GTF2F2: variants seen among roughly 807,000 people sequenced by gnomAD.
GTF2F2 encodes the protein ATP-dependent helicase GTF2F2.
A neutral mutation model predicts 42.2 loss-of-function variants in GTF2F2; 23 were observed. The observed-to-expected ratio is 0.55, with a 90% CI of 0.39 to 0.77. The LOEUF (loss-of-function observed/expected upper bound fraction) is 0.77. GTF2F2 is among the 30% of genes least tolerant of loss of function. The probability of loss-of-function intolerance (pLI) is 0.00; values close to 1 mark genes in which losing one functional copy is unlikely to be tolerated. For missense variants in GTF2F2, 261 were observed against 287.2 expected (o/e 0.91, Z 0.66); for synonymous variants, 105 against 100.8 (o/e 1.04, Z -0.25).
intron 5 of GTF2F2, among the ~76,000 whole-genome samples, chr13:45,231,896 C>T (rs1456147669): frequency 1.3e-5 from 2 of 152,134 alleles, no homozygotes; most frequent in Admixed American, 6.6e-5. Flanking sequence ...TTTACTTAGT[C>T]ACCATAGCAA....
At chr13:45,170,597 T>C (rs1219623352) in intron 4 of GTF2F2, among the ~76,000 whole-genome samples, 1 of 152,224 alleles carries the variant, frequency 6.6e-6, no homozygotes, top group Non-Finnish European at 1.5e-5. Context: ...CCCTTGAAAC[T>C]GTCTTTCTGA....
intron 6 of GTF2F2, among the ~76,000 whole-genome samples, chr13:45,264,481 G>C (rs972227207): frequency 6.6e-6 from 1 of 151,782 alleles, no homozygotes; most frequent in Non-Finnish European, 1.5e-5. Flanking sequence ...ACTTGGCCGT[G>C]CTGGTCTTGA....
rs1328152642 is a variant in GTF2F2, at chr13:45,146,031, T to C, written c.141-3739T>C. On this transcript the variant is annotated intron_variant, in intron 2 of 7. Transcript: ENST00000340473. ...TATAGCGATGCCCTCCTTACCTGAC[T>C]GGGCTCTGATACCTTGCCCCTGCTT... is the stretch of plus-strand genomic sequence containing the variant. 2.5e-4 allele frequency among the ~76,000 whole-genome samples: 38 copies of C among 152,278 alleles called. 1 individual carries two copies. Among genetic ancestry groups the C allele is most frequent in the Non-Finnish European group, 1.5e-5 (1 of 68,032 alleles).
chr13:45,143,467 C>T (rs1002195115), intron 2 of GTF2F2, among the ~76,000 whole-genome samples: 9 of 152,184 alleles, frequency 5.9e-5, no homozygotes, highest in African/African-American at 2.2e-4. Context: ...ATTAATACCT[C>T]ATAGGTTCAA....
At chr13:45,185,677 T>A (rs924198659) in intron 4 of GTF2F2, among the ~76,000 whole-genome samples, 1 of 152,188 alleles carries the variant, frequency 6.6e-6, no homozygotes, top group African/African-American at 2.4e-5. Flanking sequence ...TATATGCATA[T>A]TCCAGAACAT....
chr13:45,273,719 A>C (rs996539366), intron 7 of GTF2F2, among the ~76,000 whole-genome samples: 81 of 137,746 alleles, frequency 5.9e-4, no homozygotes, highest in African/African-American at 2.3e-3. Flanking sequence ...CAATGGCGCG[A>C]TCTCGGCTCA....
intron 4 of GTF2F2, among the ~76,000 whole-genome samples, chr13:45,184,145 T>C (rs1872298650): frequency 6.6e-6 from 1 of 152,056 alleles, no homozygotes; most frequent in African/African-American, 2.4e-5. Flanking sequence ...GGCCTCTTAT[T>C]CTTTTGGCTC....
chr13:45,226,861 G>T (rs184411399), intron 5 of GTF2F2, among the ~76,000 whole-genome samples: 1 of 152,088 alleles, frequency 6.6e-6, no homozygotes, highest in African/African-American at 2.4e-5. Context: ...TTATAGTTTT[G>T]TTGCTATTGT....
chr13:45,120,651 G>A lies in GTF2F2; in HGVS notation c.-5G>A. On this transcript the variant is annotated 5_prime_UTR_variant, in exon 1 of 8. Transcript: ENST00000340473. ...ATCCCGCACGCCTCCACCGGCTGCA[G>A]ACCCATGGCCGAGCGCGGGGAACTC... 6.4e-7 allele frequency: 1 copy of A among 1,556,462 alleles called. No individual in the cohort carries two copies.
In GTF2F2 at chr13:45,262,571, G is replaced by A. The variant is rs971591245; in HGVS notation, c.487-4662G>A. Among the ~76,000 whole-genome samples, 7 of 152,026 alleles carry A rather than the reference G, an allele frequency of 4.6e-5. No homozygotes were observed. The East Asian group carries it at 1.4e-3, about 29-fold the overall frequency. On this transcript the variant is annotated intron_variant, in intron 6 of 7. Coordinates refer to ENST00000340473, the MANE Select transcript of GTF2F2 (RefSeq NM_004128.3). ...GCCTCCCAAGGAGCTTGGACTACAG[G>A]TGAGTGCCACCACACCCAGCTAATT...
intron 4 of GTF2F2, among the ~76,000 whole-genome samples, chr13:45,154,753 CTGT>C (rs1414581944): frequency 2.0e-5 from 3 of 152,068 alleles, no homozygotes; most frequent in Admixed American, 1.3e-4. Flanking sequence ...CAAATATTAG[CTGT>C]TGTTGTTAAT....
Position 45,209,706 on chromosome 13 carries a change from A to C in GTF2F2, c.386+2201A>C, listed in dbSNP as rs2138191541. Among the ~76,000 whole-genome samples the C allele has an allele frequency of 3.3e-5, 5 of 152,310 alleles. 1 individual carries two copies. Among genetic ancestry groups the C allele is most frequent in the Admixed American group, 3.3e-4 (5 of 15,292 alleles). Reference sequence around the variant, plus strand: ...CCTCTTTCTTCAACATCAAACATACATACAAAAGCCGGGTTGAATGTCTGA... The same window carrying C: ...CCTCTTTCTTCAACATCAAACATACCTACAAAAGCCGGGTTGAATGTCTGA... On this transcript the variant is annotated intron_variant, in intron 5 of 7. Transcript: ENST00000340473.
chr13:45,157,398 A>T (rs9595253), intron 4 of GTF2F2, among the ~76,000 whole-genome samples: 54,446 of 152,008 alleles, frequency 0.36, 13,531 homozygotes, highest in African/African-American at 0.71. Context: ...CACTGGAGAG[A>T]TTTAAGCAGA....
chr13:45,202,740 G>T (rs1383530516), intron 4 of GTF2F2, among the ~76,000 whole-genome samples: 1 of 151,852 alleles, frequency 6.6e-6, no homozygotes, highest in Non-Finnish European at 1.5e-5. Context: ...ATCACGTGAG[G>T]TCAGGGGTTC....
chr13:45,130,569 G>C (rs1765531917), intron 1 of GTF2F2, among the ~76,000 whole-genome samples: 1 of 152,168 alleles, frequency 6.6e-6, no homozygotes, highest in Admixed American at 6.5e-5. Flanking sequence ...GCTTGGGCTA[G>C]GGTAGTAACT....
rs553378673 is a variant in GTF2F2, at chr13:45,137,375, C to G, written c.140+569C>G. ...CCATTCATTCTTAACCAACTCCATT[C>G]AGATTCGTATGTCCATGATTCCATT... On this transcript the variant is annotated intron_variant, in intron 2 of 7. Transcript: ENST00000340473. 2.6e-5 allele frequency among the ~76,000 whole-genome samples: 4 copies of G among 152,348 alleles called. No individual in the cohort carries two copies. In the South Asian group the frequency reaches 6.2e-4, roughly 24 times the overall value.
chr13:45,137,726 CATTTGCT>C (rs1290837718), intron 2 of GTF2F2, among the ~76,000 whole-genome samples: 1 of 152,202 alleles, frequency 6.6e-6, no homozygotes, highest in Non-Finnish European at 1.5e-5. Flanking sequence ...GCTTGTGTCA[CATTTGCT>C]AAAGTCCTTT....
chr13:45,203,888 C>T lies in GTF2F2; in HGVS notation c.305-3536C>T, dbSNP rs189356521. On this transcript the variant is annotated intron_variant, in intron 4 of 7. Transcript: ENST00000340473. Reference sequence around the variant, plus strand: ...TGATTTATGTACCTGTCTTATCCTACGAGACCAGCAGCTCTCGAAATGTGG... The same window carrying T: ...TGATTTATGTACCTGTCTTATCCTATGAGACCAGCAGCTCTCGAAATGTGG... Among the ~76,000 whole-genome samples, 36 of 152,220 alleles carry T rather than the reference C, an allele frequency of 2.4e-4. 1 individual carries two copies. The highest frequency in any genetic ancestry group is 1.6e-3 in the Admixed American group (25 of 15,300).
chr13:45,164,631 G>A (rs527942405), intron 4 of GTF2F2, among the ~76,000 whole-genome samples: 43 of 151,756 alleles, frequency 2.8e-4, no homozygotes, highest in African/African-American at 9.9e-4. Context: ...GGCTCAGGTG[G>A]GAGGATCACC....
Sources: gnomAD v4.1 joint callset for allele counts (sites outside exome capture counted in the v4.1 genomes callset) on GRCh38, gnomAD v4.1.1 for gene constraint, MANE v1.5 for transcripts, NCBI Gene and HGNC (gene_info 2026-07-23, HGNC 2026-07-21) for gene names.